Variants in CCDC158 observed in about 807,000 individuals in gnomAD.
CCDC158 encodes the protein coiled-coil domain-containing protein 158.
CCDC158 carries 116 observed loss-of-function variants against 138.6 expected under a neutral mutation model. The ratio of observed to expected loss-of-function variants is 0.84; its 90% CI spans 0.72 to 0.98. The LOEUF (loss-of-function observed/expected upper bound fraction) is 0.98, where lower values mean the gene tolerates loss of function less well. Among genes scored for constraint, CCDC158 ranks in the 50% least tolerant of loss-of-function variants. CCDC158 has a pLI of 0.00. For missense variants in CCDC158, 1,265 were observed against 1,306.1 expected, an observed-to-expected ratio of 0.97 and a Z score of 0.48; for synonymous variants, 436 against 442.4, an observed-to-expected ratio of 0.99 and a Z score of 0.18.
At chr4:76,326,471 A>G (rs1410326425) in intron 22 of CCDC158, among the ~76,000 whole-genome samples, 2 of 152,212 alleles carry the variant, frequency 1.3e-5, no homozygotes, top group Non-Finnish European at 1.5e-5. Flanking sequence ...ATAGATCTAT[A>G]GGGTCCAGAT....
chr4:76,343,747 G>A (rs1238727787), intron 18 of CCDC158, among the ~76,000 whole-genome samples: 2 of 152,148 alleles, frequency 1.3e-5, no homozygotes, highest in Non-Finnish European at 2.9e-5. Context: ...GTCACAGTGA[G>A]CCGAGATCAT....
chr4:76,389,360 T>C (rs1727105529), intron 4 of CCDC158, among the ~76,000 whole-genome samples: 1 of 151,732 alleles, frequency 6.6e-6, no homozygotes, highest in Non-Finnish European at 1.5e-5. Context: ...TCAGAAATGA[T>C]CAAGCAGAAG....
rs532130784 is a variant in CCDC158, at chr4:76,326,659, A to G, written c.3011-644T>C. ...CAAAAGGGGAAAAAAGGAACAGACT[A>G]TATTTAAATAAGCAATAATTAAACT... On this transcript the variant is annotated intron_variant, in intron 22 of 24. Coordinates refer to ENST00000682701, the MANE Select transcript of CCDC158 (RefSeq NM_001394954.1). Among the ~76,000 whole-genome samples, 90 of 152,328 alleles carry G rather than the reference A, an allele frequency of 5.9e-4. 1 individual carries two copies. Among genetic ancestry groups the G allele is most frequent in the Non-Finnish European group, 9.7e-4 (66 of 68,014 alleles).
intron 23 of CCDC158, among the ~76,000 whole-genome samples, chr4:76,324,200 T>C (rs938900085): frequency 1.3e-5 from 2 of 151,418 alleles, no homozygotes; most frequent in Admixed American, 6.6e-5. Context: ...GAGTTTCTTT[T>C]TTTTTTTTTT....
In CCDC158 at chr4:76,359,831, G is replaced by T. The variant is rs114968836; in HGVS notation, c.2020+2295C>A. 6.7e-3 allele frequency among the ~76,000 whole-genome samples: 1,025 copies of T among 152,324 alleles called. 12 individuals carry two copies. Among genetic ancestry groups the T allele is most frequent in the African/African-American group, 0.024 (980 of 41,576 alleles). ...TGCATCCCAACCATGCAGTTGAAAA[G>T]AAAAATCCATTTTCTAGGGAGAAAT... On this transcript the variant is annotated intron_variant, in intron 13 of 24. Transcript: ENST00000682701.
intron 24 of CCDC158, among the ~76,000 whole-genome samples, chr4:76,313,730 A>G (rs1185650371): frequency 1.3e-5 from 2 of 152,224 alleles, no homozygotes; most frequent in Non-Finnish European, 2.9e-5. Flanking sequence ...CCTCCGCCCA[A>G]GAGGTCATTA....
intron 15 of CCDC158, 120 bp from the exon 16 acceptor site, chr4:76,353,401 C>G: frequency 1.4e-6 from 1 of 701,224 alleles, no homozygotes; most frequent in Non-Finnish European, 2.3e-6. Flanking sequence ...ATTTATATGC[C>G]ATTTAATTGC....
rs372212846 is a variant in CCDC158, at chr4:76,374,912, T to C, written c.1030-3376A>G. On this transcript the variant is annotated intron_variant, in intron 9 of 24. Transcript: ENST00000682701. The stretch of plus-strand genomic sequence containing the variant: ...ACGAGCCAAGTCTTATCTTTCCATC[T>C]GTCTATTAAGTATAAGAAGTTCCTC... 1.4e-4 allele frequency among the ~76,000 whole-genome samples: 22 copies of C among 152,302 alleles called. No individual in the cohort carries two copies. The East Asian group carries it at 3.7e-3, about 25-fold the overall frequency.
chr4:76,416,196 G>C (rs1230910385), intron 1 of CCDC158, among the ~76,000 whole-genome samples: 1 of 152,150 alleles, frequency 6.6e-6, no homozygotes, highest in Non-Finnish European at 1.5e-5. Flanking sequence ...CCCCTGTCCA[G>C]TGGACATGGG....
intron 9 of CCDC158, among the ~76,000 whole-genome samples, chr4:76,376,671 G>A (rs1026622547): frequency 6.6e-6 from 1 of 152,114 alleles, no homozygotes; most frequent in Non-Finnish European, 1.5e-5. Context: ...GCTACACCAT[G>A]TAATTAATGT....
chr4:76,338,742 T>C (rs776933583), intron 18 of CCDC158, among the ~76,000 whole-genome samples: 6 of 152,178 alleles, frequency 3.9e-5, no homozygotes, highest in African/African-American at 7.2e-5. Flanking sequence ...TTTTTGTCCA[T>C]GTGTGTCCTG....
chr4:76,345,281 C>T (rs189499159), intron 18 of CCDC158: 34 of 970,208 alleles, frequency 3.5e-5, no homozygotes, highest in Middle Eastern at 3.1e-4. Context: ...TGCTCAACAT[C>T]GAAGCTGCTA....
chr4:76,359,035 T>C (rs1487914244), intron 13 of CCDC158, among the ~76,000 whole-genome samples: 1 of 152,150 alleles, frequency 6.6e-6, no homozygotes, highest in African/African-American at 2.4e-5. Flanking sequence ...CTTGCTGTTC[T>C]TGTGACAGTG....
chr4:76,369,593 T>G lies in CCDC158; in HGVS notation c.1180A>C (p.Ser394Arg), dbSNP rs753041040. The change falls in exon 11 of 25, where the codon AGT becomes CGT. Residue 394 changes from serine to arginine, a missense_variant. Transcript: ENST00000682701. Reference protein sequence around the residue: ...ADLHKREKELSLEKEQNKRLW... With the variant: ...ADLHKREKELRLEKEQNKRLW... ...CGCTTATTCTGCTCCTTCTCCAGACTCAGCTCCTTCTCCCTTTTGTGTAGA... is the reference window on the plus strand; with the variant it reads ...CGCTTATTCTGCTCCTTCTCCAGACGCAGCTCCTTCTCCCTTTTGTGTAGA... 7 of 1,614,148 alleles carry G rather than the reference T, an allele frequency of 4.3e-6. No individual in the cohort carries two copies. The highest frequency in any genetic ancestry group is 5.1e-6 in the Non-Finnish European group (6 of 1,179,998).
intron 13 of CCDC158, among the ~76,000 whole-genome samples, chr4:76,361,239 T>C (rs774672801): frequency 2.5e-4 from 38 of 152,246 alleles, no homozygotes; most frequent in Non-Finnish European, 5.9e-5. Context: ...TGCAGAACTG[T>C]GAGTCAATTA....
chr4:76,342,321 A>G (rs573344447), intron 18 of CCDC158, among the ~76,000 whole-genome samples: 26 of 152,318 alleles, frequency 1.7e-4, no homozygotes, highest in African/African-American at 6.3e-4. Context: ...AATTTCAAGC[A>G]TTAACCACAG....
chr4:76,320,572 T>C (rs1394438699), intron 24 of CCDC158, among the ~76,000 whole-genome samples: 1 of 152,130 alleles, frequency 6.6e-6, no homozygotes, highest in African/African-American at 2.4e-5. Flanking sequence ...CAAAACAGCA[T>C]GGTACTGGTA....
chr4:76,350,637 C>T (rs1174083052), intron 18 of CCDC158, among the ~76,000 whole-genome samples: 1 of 151,958 alleles, frequency 6.6e-6, no homozygotes, highest in African/African-American at 2.4e-5. Flanking sequence ...AATAAGTTAA[C>T]AAAGAAACCA....
At chr4:76,377,147 A>T (rs1217773104) in intron 9 of CCDC158, among the ~76,000 whole-genome samples, 1 of 152,224 alleles carries the variant, frequency 6.6e-6, no homozygotes, top group African/African-American at 2.4e-5. Context: ...TGTCCAAATC[A>T]GCATGATACT....
Sources: gnomAD v4.1 joint callset for allele counts (sites outside exome capture counted in the v4.1 genomes callset) on GRCh38, gnomAD v4.1.1 for gene constraint, MANE v1.5 for transcripts, NCBI Gene and HGNC (gene_info 2026-07-23, HGNC 2026-07-21) for gene names.